ZFHX3: variants seen among roughly 807,000 people sequenced by gnomAD.
The protein encoded by ZFHX3 is zinc finger homeobox 3, also known as zinc finger homeobox protein 3.
In ZFHX3, 42 loss-of-function variants were observed where a neutral mutation model predicts 279.1. The ratio of observed to expected loss-of-function variants is 0.15; its 90% CI spans 0.12 to 0.19. The LOEUF (loss-of-function observed/expected upper bound fraction) is 0.19, where lower values mean the gene tolerates loss of function less well. Among genes scored for constraint, ZFHX3 ranks in the 10% least tolerant of loss-of-function variants. The pLI is 1.00. For missense variants in ZFHX3, 4,981 were observed against 4,754.0 expected (o/e 1.05, Z -1.40); for synonymous variants, 2,293 against 1,957.8 (o/e 1.17, Z -4.52).
At chr16:73,176,186 T>A (rs894007561) in intron 5 of ZFHX3, among the ~76,000 whole-genome samples, 2 of 152,154 alleles carry the variant, frequency 1.3e-5, no homozygotes, top group Non-Finnish European at 2.9e-5. Flanking sequence ...TATATGTAAA[T>A]GATAAATAAT....
At chr16:73,530,195 G>T (rs1405158239) in intron 2 of ZFHX3, among the ~76,000 whole-genome samples, 2 of 152,082 alleles carry the variant, frequency 1.3e-5, no homozygotes, top group African/African-American at 2.4e-5. Flanking sequence ...CAAGTGAAAG[G>T]GTTTCCCCTT....
intron 5 of ZFHX3, among the ~76,000 whole-genome samples, chr16:73,157,734 C>A (rs1263543742): frequency 6.6e-6 from 1 of 152,028 alleles, no homozygotes; most frequent in Non-Finnish European, 1.5e-5. Context: ...CCAAATGACC[C>A]CAGTCATTAA....
intron 1 of ZFHX3, among the ~76,000 whole-genome samples, chr16:73,863,078 C>T (rs753639205): frequency 3.9e-5 from 6 of 152,082 alleles, no homozygotes; most frequent in Non-Finnish European, 8.8e-5. Flanking sequence ...TGGTGGCAGG[C>T]GCCTGTAATC....
At chr16:73,251,977 A>AC (rs2013521545) in intron 5 of ZFHX3, among the ~76,000 whole-genome samples, 8 of 89,272 alleles carry the variant, frequency 9.0e-5, no homozygotes, top group African/African-American at 2.2e-4. Flanking sequence ...ACACACACAT[A>AC]ACACATCACA....
At chr16:72,870,565 C>A (rs1358083629) in intron 4 of ZFHX3, among the ~76,000 whole-genome samples, 2 of 151,210 alleles carry the variant, frequency 1.3e-5, no homozygotes, top group African/African-American at 4.9e-5. Context: ...AAAAATTAGC[C>A]GGGAGTGGTG....
At chr16:73,404,631 T>C (rs528242913) in intron 3 of ZFHX3, among the ~76,000 whole-genome samples, 1 of 152,346 alleles carries the variant, frequency 6.6e-6, no homozygotes, top group Admixed American at 6.5e-5. Flanking sequence ...TCACATCTTA[T>C]ACATGTCTCA....
intron 3 of ZFHX3, among the ~76,000 whole-genome samples, chr16:73,450,209 C>T (rs2018260254): frequency 6.6e-6 from 1 of 152,158 alleles, no homozygotes. Context: ...AGGTAAACAA[C>T]ACAGTGTTTT....
At chr16:73,154,359 C>T (rs979736011) in intron 5 of ZFHX3, among the ~76,000 whole-genome samples, 6 of 152,282 alleles carry the variant, frequency 3.9e-5, no homozygotes, top group Admixed American at 2.0e-4. Context: ...GTTTCCTGTT[C>T]CGTTTTTCTG....
intron 1 of ZFHX3, among the ~76,000 whole-genome samples, chr16:72,989,549 C>T (rs1962995921): frequency 6.6e-6 from 1 of 151,992 alleles, no homozygotes; most frequent in South Asian, 2.1e-4. Context: ...TAAGAACACG[C>T]ATACTAGGTA....
intron 1 of ZFHX3, among the ~76,000 whole-genome samples, chr16:73,768,042 A>G (rs1006349912): frequency 6.6e-6 from 1 of 152,224 alleles, no homozygotes; most frequent in Non-Finnish European, 1.5e-5. Context: ...GAGTAGCCAC[A>G]TGAGAAGGGT....
intron 2 of ZFHX3, among the ~76,000 whole-genome samples, chr16:73,524,309 A>G (rs2019656201): frequency 6.6e-6 from 1 of 152,232 alleles, no homozygotes; most frequent in Non-Finnish European, 1.5e-5. Context: ...ATGCCATGCT[A>G]GGAAGAACCA....
chr16:73,217,496 C>T (rs1426026504), intron 5 of ZFHX3, among the ~76,000 whole-genome samples: 5 of 152,086 alleles, frequency 3.3e-5, no homozygotes, highest in African/African-American at 7.2e-5. Flanking sequence ...AGCAATTGAT[C>T]CCCTGGCTTA....
chr16:73,001,785 G>A (rs574477182), intron 1 of ZFHX3, among the ~76,000 whole-genome samples: 23 of 151,728 alleles, frequency 1.5e-4, no homozygotes, highest in Non-Finnish European at 2.6e-4. Flanking sequence ...GCACCACCAC[G>A]CACTTCAGCT....
At chr16:73,127,687 T>TCTCCCTCTCCCTCTCCC in intron 7 of ZFHX3, 1 of 1,162,904 alleles carries the variant, frequency 8.6e-7, no homozygotes, top group Non-Finnish European at 1.1e-6. Flanking sequence ...CCCCGATGCT[T>TCTCCCTCTCCCTCTCCC]TTTCCTGAAC....
intron 2 of ZFHX3, among the ~76,000 whole-genome samples, chr16:73,541,073 A>G (rs116671557): frequency 0.039 from 5,991 of 152,226 alleles, 414 homozygotes; most frequent in African/African-American, 0.13. Flanking sequence ...GGCCAGCCTG[A>G]CCCAGAGCCT....
rs1055534078 is a variant in ZFHX3, at chr16:73,057,993, CG to C, written c.-24+536del. 1.3e-4 allele frequency among the ~76,000 whole-genome samples: 19 copies of C among 147,648 alleles called. 1 individual carries two copies. The Middle Eastern group carries it at 0.017, about 134-fold the overall frequency. ...GTGGGGCAAAGTTGGGGGCCGGGAG[CG>C]GCGGGGGCGGGGGCACTCGGCACCG... On this transcript the variant is annotated intron_variant, in intron 1 of 8. Coordinates refer to the ZFHX3 transcript ENST00000397992.
At chr16:73,546,727 GC>G (rs2020119333) in intron 2 of ZFHX3, among the ~76,000 whole-genome samples, 1 of 115,052 alleles carries the variant, frequency 8.7e-6, no homozygotes, top group Non-Finnish European at 1.7e-5. Flanking sequence ...TGCTGCTGCT[GC>G]TGCTGCTGTT....
intron 4 of ZFHX3, among the ~76,000 whole-genome samples, chr16:73,257,383 A>G (rs938703155): frequency 2.0e-5 from 3 of 152,196 alleles, no homozygotes; most frequent in Admixed American, 2.0e-4. Flanking sequence ...GGGCCATTGG[A>G]AGATTAGCCC....
intron 2 of ZFHX3, among the ~76,000 whole-genome samples, chr16:73,606,863 G>A (rs1395807689): frequency 2.6e-5 from 4 of 152,086 alleles, no homozygotes; most frequent in Admixed American, 1.3e-4. Flanking sequence ...TTAGTTTGCT[G>A]AGGATAACGG....
Sources: gnomAD v4.1 joint callset for allele counts (sites outside exome capture counted in the v4.1 genomes callset) on GRCh38, gnomAD v4.1.1 for gene constraint, MANE v1.5 for transcripts, NCBI Gene and HGNC (gene_info 2026-07-23, HGNC 2026-07-21) for gene names.